TTLL5: variants seen among roughly 807,000 people sequenced by gnomAD.
TTLL5 encodes tubulin polyglutamylase TTLL5.
TTLL5 carries 132 observed loss-of-function variants against 168.4 expected under a neutral mutation model. The observed-to-expected ratio is 0.78, with a 90% CI of 0.68 to 0.91. TTLL5 has a LOEUF of 0.91. TTLL5 is among the 40% of genes least tolerant of loss of function. The pLI is 0.00. For missense variants in TTLL5, 1,545 were observed against 1,581.5 expected, an observed-to-expected ratio of 0.98 and a Z score of 0.39; for synonymous variants, 546 against 558.6, an observed-to-expected ratio of 0.98 and a Z score of 0.32.
At chr14:75,748,548 C>T (rs756702024) in intron 17 of TTLL5, among the ~76,000 whole-genome samples, 8 of 152,024 alleles carry the variant, frequency 5.3e-5, no homozygotes, top group Non-Finnish European at 1.2e-4. Context: ...AATTACTGGG[C>T]CTTAAAATAT....
At chr14:75,696,356 G>A (rs1399235893) in intron 6 of TTLL5, among the ~76,000 whole-genome samples, 2 of 152,140 alleles carry the variant, frequency 1.3e-5, no homozygotes, top group Admixed American at 1.3e-4. Flanking sequence ...CTAGCAAACT[G>A]ATGGACACAG....
intron 22 of TTLL5, among the ~76,000 whole-genome samples, chr14:75,776,482 T>G (rs571284273): frequency 6.6e-6 from 1 of 152,322 alleles, no homozygotes; most frequent in South Asian, 2.1e-4. Context: ...CTTTAATCAA[T>G]GGGCTGTGTA....
At chr14:75,918,531 C>T (rs1439170191) in intron 31 of TTLL5, among the ~76,000 whole-genome samples, 4 of 152,116 alleles carry the variant, frequency 2.6e-5, no homozygotes, top group African/African-American at 7.2e-5. Context: ...TATTACCTTT[C>T]AGTTACAGTA....
At chr14:75,850,219 C>A (rs1358266882) in intron 28 of TTLL5, among the ~76,000 whole-genome samples, 1 of 151,756 alleles carries the variant, frequency 6.6e-6, no homozygotes, top group Non-Finnish European at 1.5e-5. Flanking sequence ...CCAGCCTGAC[C>A]AAAATGGAGA....
At chr14:75,950,499 T>G (rs2034928037) in intron 31 of TTLL5, among the ~76,000 whole-genome samples, 1 of 152,172 alleles carries the variant, frequency 6.6e-6, no homozygotes, top group Non-Finnish European at 1.5e-5. Context: ...TCATCAGAGA[T>G]AGATTCTGAA....
At chr14:75,774,878 G>A (rs1891624488) in intron 21 of TTLL5, among the ~76,000 whole-genome samples, 1 of 151,916 alleles carries the variant, frequency 6.6e-6, no homozygotes, top group Admixed American at 6.6e-5. Context: ...TCGTAGAAAT[G>A]CAGTTTTACT....
intron 28 of TTLL5, among the ~76,000 whole-genome samples, chr14:75,827,918 A>G (rs1288663476): frequency 4.0e-5 from 6 of 151,516 alleles, no homozygotes; most frequent in East Asian, 1.9e-4. Context: ...GGGTTTCACC[A>G]TGTTCCCAGA....
chr14:75,669,560 A>G (rs372238903), intron 3 of TTLL5, 38 bp downstream of exon 3: 136 of 1,583,884 alleles, frequency 8.6e-5, no homozygotes, highest in South Asian at 1.5e-4. Flanking sequence ...GGAGCTGGGC[A>G]TGGCCCAGAC....
chr14:75,851,205 C>G (rs1399069872), intron 28 of TTLL5, among the ~76,000 whole-genome samples: 2 of 151,102 alleles, frequency 1.3e-5, no homozygotes, highest in Admixed American at 1.3e-4. Context: ...GGTTATAAAG[C>G]ATAGAGTATG....
At chr14:75,749,052 T>C (rs559808151) in intron 17 of TTLL5, among the ~76,000 whole-genome samples, 1 of 152,194 alleles carries the variant, frequency 6.6e-6, no homozygotes, top group African/African-American at 2.4e-5. Flanking sequence ...TTTTATCTTT[T>C]AAAATATGCT....
At chr14:75,889,863 A>C (rs1228316234) in intron 30 of TTLL5, among the ~76,000 whole-genome samples, 1 of 134,778 alleles carries the variant, frequency 7.4e-6, no homozygotes, top group Non-Finnish European at 1.6e-5. Flanking sequence ...AAGGAAGGGA[A>C]GAAGCGAGGG....
chr14:75,762,177 C>T (rs543372413), intron 18 of TTLL5, among the ~76,000 whole-genome samples: 4 of 152,060 alleles, frequency 2.6e-5, no homozygotes, highest in Non-Finnish European at 5.9e-5. Context: ...GGGTGGATCA[C>T]GAGGTCAGGA....
At chr14:75,845,673 T>G (rs879919802) in intron 28 of TTLL5, among the ~76,000 whole-genome samples, 2 of 152,190 alleles carry the variant, frequency 1.3e-5, no homozygotes, top group African/African-American at 4.8e-5. Flanking sequence ...GGTATTGTTA[T>G]CCTCGTGTGT....
chr14:75,880,432 C>A (rs2031745308), intron 29 of TTLL5, among the ~76,000 whole-genome samples: 1 of 152,128 alleles, frequency 6.6e-6, no homozygotes, highest in Non-Finnish European at 1.5e-5. Context: ...TTTCCAAGAG[C>A]TCTTAACTAA....
chr14:75,844,230 G>A (rs929506031), intron 28 of TTLL5, among the ~76,000 whole-genome samples: 6 of 152,242 alleles, frequency 3.9e-5, no homozygotes, highest in East Asian at 3.9e-4. Context: ...TTTGTATGAG[G>A]TATGAGATTT....
At chr14:75,883,294 G>A (rs2031917956) in intron 30 of TTLL5, among the ~76,000 whole-genome samples, 1 of 152,246 alleles carries the variant, frequency 6.6e-6, no homozygotes, top group African/African-American at 2.4e-5. Context: ...TGTAGCAACA[G>A]TGTTTTTAAT....
At chr14:75,738,225 A>G (rs1201334686) in intron 15 of TTLL5, among the ~76,000 whole-genome samples, 1 of 152,216 alleles carries the variant, frequency 6.6e-6, no homozygotes, top group Non-Finnish European at 1.5e-5. Flanking sequence ...TTCTGCACAG[A>G]TTTAAAAAAT....
At chr14:75,903,737 A>G (rs951750447) in intron 31 of TTLL5, among the ~76,000 whole-genome samples, 4 of 151,736 alleles carry the variant, frequency 2.6e-5, no homozygotes, top group Non-Finnish European at 4.4e-5. Flanking sequence ...AAAAAAAAAA[A>G]GTTTTTAATT....
chr14:75,760,107 A>G (rs1441399473), intron 18 of TTLL5, among the ~76,000 whole-genome samples: 1 of 152,134 alleles, frequency 6.6e-6, no homozygotes, highest in Non-Finnish European at 1.5e-5. Flanking sequence ...ATCCTAAGGC[A>G]TCTGTAACTA....
Sources: gnomAD v4.1 joint callset for allele counts (sites outside exome capture counted in the v4.1 genomes callset) on GRCh38, gnomAD v4.1.1 for gene constraint, MANE v1.5 for transcripts, NCBI Gene and HGNC (gene_info 2026-07-23, HGNC 2026-07-21) for gene names.